TMEM41A: variants seen among roughly 807,000 people sequenced by gnomAD.
The protein encoded by TMEM41A is transmembrane protein 41A.
Under a neutral mutation model 25.7 loss-of-function variants are expected in TMEM41A, and 20 were observed. The observed-to-expected ratio is 0.78, with a 90% CI of 0.55 to 1.13. The LOEUF (loss-of-function observed/expected upper bound fraction) is 1.13, where lower values mean the gene tolerates loss of function less well. TMEM41A is among the 50% of genes most tolerant of loss of function. TMEM41A has a pLI of 0.00. For synonymous variants in TMEM41A, 133 were observed against 139.6 expected (o/e 0.95, Z 0.33); for missense variants, 299 against 314.3 (o/e 0.95, Z 0.37).
chr3:185,498,820 G>C, intron 1 of TMEM41A, 23 bp downstream of exon 1: 2 of 1,556,118 alleles, frequency 1.3e-6, no homozygotes, highest in Non-Finnish European at 1.7e-6. Flanking sequence ...CCTCTGACCC[G>C]AACCCGGATT....
In TMEM41A at chr3:185,495,312, C is replaced by T. The variant is rs1426445204; in HGVS notation, c.277G>A (p.Val93Ile). ...GGCCCAAACAAGGCACCAGCTAAAA[C>T]ATTCTGCAAATAAAACAAACCCTCA... Reference protein sequence around the residue: ...FAIPGSSFLNVLAGALFGPWL... With the variant: ...FAIPGSSFLNILAGALFGPWL... Residue 93 changes from valine to isoleucine, a missense_variant, in exon 3 of 5, where the codon GTT (valine) becomes ATT (isoleucine). Physicochemically the swap from Val to Ile is conservative, Grantham distance 29 (BLOSUM62 3). Coordinates refer to ENST00000421852, the MANE Select transcript of TMEM41A (RefSeq NM_080652.4). The T allele has an allele frequency of 1.9e-6, 3 of 1,613,396 alleles. No homozygotes were observed. Among genetic ancestry groups the T allele is most frequent in the Admixed American group, 3.3e-5 (2 of 59,986 alleles).
Position 185,496,967 on chromosome 3 carries a change from G to T in TMEM41A, c.134C>A (p.Pro45His). 6.3e-7 allele frequency: 1 copy of T among 1,596,408 alleles called. No individual in the cohort carries two copies. The highest frequency in any genetic ancestry group is 1.8e-4 in the Middle Eastern group (1 of 5,500). Residue 45 changes from proline (P) to histidine (H), a missense_variant, in exon 2 of 5, where the codon CCC becomes CAC. Coordinates refer to ENST00000421852, the MANE Select transcript of TMEM41A (RefSeq NM_080652.4). ...CTCCCGCAGCTCTGCCAGGTCGGAG[G>T]GGAACCACAGCGACCTGGGGATTTG... ...EEAGGRSLWF[P>H]SDLAELRELS...
In TMEM41A at chr3:185,495,525, C is replaced by T. The variant is rs925482612; in HGVS notation, c.274-210G>A. 1.9e-5 allele frequency: 11 copies of T among 582,222 alleles called. 1 individual carries two copies. Among genetic ancestry groups the T allele is most frequent in the South Asian group, 1.5e-4 (7 of 45,952 alleles). 36.1% of individuals were successfully genotyped at this position (582,222 alleles called of 1,614,324 possible). ...ACATGATCATAGCTCACTGCATCCTCGAACTCCTGGACTCAAGCGATCCTC... is the reference window on the plus strand; with the variant it reads ...ACATGATCATAGCTCACTGCATCCTTGAACTCCTGGACTCAAGCGATCCTC... On this transcript the variant is annotated intron_variant, in intron 2 of 4. Transcript: ENST00000421852.
At chr3:185,496,540 G>C in intron 2 of TMEM41A, 1 of 444,226 alleles carries the variant, frequency 2.3e-6, no homozygotes, top group Non-Finnish European at 4.2e-6. Context: ...GGACATGTTT[G>C]CTTTTCTTCT....
intron 2 of TMEM41A, chr3:185,495,670 G>C (rs1251622500): frequency 4.5e-6 from 1 of 219,970 alleles, no homozygotes; most frequent in Non-Finnish European, 9.2e-6. Context: ...TCAAACTCCC[G>C]GACTCAAGTG....
Position 185,491,363 on chromosome 3 carries a change from A to G in TMEM41A, c.*174T>C. 5.2e-6 allele frequency: 3 copies of G among 580,672 alleles called. No homozygotes were observed. Among genetic ancestry groups the G allele is most frequent in the Non-Finnish European group, 9.1e-6 (3 of 327,980 alleles). The allele number at this position is 580,672 out of a possible 1,614,324, so 36.0% of individuals were successfully genotyped here. A position where few individuals can be genotyped will look rare whatever the true frequency, so the allele number is the denominator to read the frequency against. On this transcript the variant is annotated 3_prime_UTR_variant, in exon 5 of 5. Transcript: ENST00000421852. ...ACACCAGGGCTGGTTTGAAAACCTGATGTAATACACCTTCAAGAGCAGAGT... is the reference window on the plus strand; with the variant it reads ...ACACCAGGGCTGGTTTGAAAACCTGGTGTAATACACCTTCAAGAGCAGAGT...
chr3:185,496,482 G>A (rs1719103783), intron 2 of TMEM41A: 1 of 352,970 alleles, frequency 2.8e-6, no homozygotes, highest in African/African-American at 2.2e-5. Flanking sequence ...GCAGCCTCAA[G>A]GAGTCAGCCC....
intron 2 of TMEM41A, 74 bp downstream of exon 2, chr3:185,496,754 C>A: frequency 6.5e-7 from 1 of 1,530,240 alleles, no homozygotes; most frequent in Non-Finnish European, 8.8e-7. Flanking sequence ...ACACAACAAT[C>A]CCATGAGGTT....
chr3:185,495,043 G>C (rs1390927818), intron 3 of TMEM41A, 111 bp downstream of exon 3: 1 of 1,355,242 alleles, frequency 7.4e-7, no homozygotes, highest in Non-Finnish European at 1.0e-6. Flanking sequence ...AGGACCTCCT[G>C]AAACAGCGTG....
chr3:185,491,544 T>C lies in TMEM41A; in HGVS notation c.788A>G (p.Asp263Gly), dbSNP rs1157289137. Residue 263 changes from aspartate to glycine, a missense_variant, in exon 5 of 5, where the codon GAC (aspartate) becomes GGC (glycine). Asp to Gly is a moderately conservative substitution (Grantham distance 94). Transcript: ENST00000421852. ...GCAAACAGAAAATCCAGATCATGTG[T>C]CTTTTCTACTGTGTATATGATTAGC... ...STANHIHSRK[D>G]T 1 of 1,612,954 alleles carries C rather than the reference T, an allele frequency of 6.2e-7. No individual in the cohort carries two copies. Among genetic ancestry groups the C allele is most frequent in the Admixed American group, 1.7e-5 (1 of 60,022 alleles).
intron 1 of TMEM41A, among the ~76,000 whole-genome samples, chr3:185,497,897 A>G (rs1402004722): frequency 6.6e-6 from 1 of 152,220 alleles, no homozygotes. Context: ...AAGAGTATGC[A>G]GCACTCACAA....
rs1577647893 is a variant in TMEM41A, at chr3:185,491,278, G to C, written c.*259C>G. On this transcript the variant is annotated 3_prime_UTR_variant, in exon 5 of 5. Coordinates refer to ENST00000421852, the MANE Select transcript of TMEM41A (RefSeq NM_080652.4). ...CCCAAAGTGCTGGGATTACAGGCGT[G>C]AGCCACCGCGCCCGGCCACAAACAG... is the stretch of plus-strand genomic sequence containing the variant. 1 of 332,240 alleles carries C rather than the reference G, an allele frequency of 3.0e-6. No homozygotes were observed. The highest frequency in any genetic ancestry group is 6.8e-5 in the East Asian group (1 of 14,714). 20.6% of individuals were successfully genotyped at this position (332,240 alleles called of 1,614,324 possible).
chr3:185,498,648 C>T (rs1719182613), intron 1 of TMEM41A, 195 bp downstream of exon 1: 1 of 550,984 alleles, frequency 1.8e-6, no homozygotes, highest in Non-Finnish European at 3.2e-6. Flanking sequence ...CGGAGCCGGG[C>T]TCCCATCCAC....
At chr3:185,497,981 G>A (rs1377133525) in intron 1 of TMEM41A, among the ~76,000 whole-genome samples, 1 of 152,172 alleles carries the variant, frequency 6.6e-6, no homozygotes, top group Non-Finnish European at 1.5e-5. Context: ...AGGAGGCCAG[G>A]CGCGATGGCT....
Position 185,496,846 on chromosome 3 carries a change from G to A in TMEM41A, c.255C>T (p.Ile85=). ...GAYLYKQGFA[I]PGSSFLNVLA... Reference sequence around the variant, plus strand: ...CACTGACCAGGAAGCTGGAGCCGGGGATGGCAAAGCCCTGTTTGTAGAGGT... The same window carrying A: ...CACTGACCAGGAAGCTGGAGCCGGGAATGGCAAAGCCCTGTTTGTAGAGGT... Residue 85 remains isoleucine, a synonymous_variant, in exon 2 of 5, where the codon ATC becomes ATT. Coordinates refer to ENST00000421852, the MANE Select transcript of TMEM41A (RefSeq NM_080652.4). The A allele has an allele frequency of 6.2e-7, 1 of 1,607,758 alleles. No homozygotes were observed. Among genetic ancestry groups the A allele is most frequent in the Non-Finnish European group, 8.5e-7 (1 of 1,178,094 alleles).
In TMEM41A at chr3:185,495,140, A is replaced by T; in HGVS notation, c.435+14T>A. ...TCTGGGGTCCCAGCTCTCAGATGTG[A>T]CCCCTCCCCTTACCTTTCTCTGCAG... On this transcript the variant is annotated intron_variant, in intron 3 of 4. Coordinates refer to ENST00000421852, the MANE Select transcript of TMEM41A (RefSeq NM_080652.4). 1 of 1,612,234 alleles carries T rather than the reference A, an allele frequency of 6.2e-7. No individual in the cohort carries two copies. Among genetic ancestry groups the T allele is most frequent in the Non-Finnish European group, 8.5e-7 (1 of 1,179,754 alleles).
rs1048710842 is a variant in TMEM41A at position 185,490,427 on chromosome 3, G to A, written c.*1110C>T. On this transcript the variant is annotated 3_prime_UTR_variant, in exon 5 of 5. Coordinates refer to ENST00000421852, the MANE Select transcript of TMEM41A (RefSeq NM_080652.4). The stretch of plus-strand genomic sequence containing the variant: ...AAAGGACAGATAAAATGTTTGCCTG[G>A]TCATGATTCAGGTGAGTCAAGGGCC... The A allele has an allele frequency of 6.6e-6, 1 of 152,168 alleles. No homozygotes were observed. The highest frequency in any genetic ancestry group is 2.4e-5 in the African/African-American group (1 of 41,424). The allele number at this position is 152,168 out of a possible 1,614,324, so 9.4% of individuals were successfully genotyped here.
chr3:185,494,888 AG>A (rs1453163717), intron 3 of TMEM41A, 127 bp from the exon 4 acceptor site: 1 of 1,212,594 alleles, frequency 8.2e-7, no homozygotes, highest in African/African-American at 1.5e-5. Context: ...ACAACCCTCC[AG>A]GGAAAGACTG....
Position 185,491,751 on chromosome 3 carries a change from A to G in TMEM41A, c.581T>C (p.Ile194Thr), listed in dbSNP as rs753277732. Residue 194 changes from isoleucine to threonine, a missense_variant, in exon 5 of 5, where the codon ATC becomes ACC. Physicochemically the swap from Ile to Thr is moderately conservative, Grantham distance 89 (BLOSUM62 -1). Transcript: ENST00000421852. ...QFFFSVLIGL[I>T]PYNFICVQTG... ...CTGCACACAGATGAAATTATATGGG[A>G]TCAAACCTGGAAGAAGAAAAGGACA... 92 of 1,603,720 alleles carry G rather than the reference A, an allele frequency of 5.7e-5. No homozygotes were observed. Among genetic ancestry groups the G allele is most frequent in the Non-Finnish European group, 7.7e-5 (90 of 1,174,670 alleles).
Sources: gnomAD v4.1 joint callset for allele counts (sites outside exome capture counted in the v4.1 genomes callset) on GRCh38, gnomAD v4.1.1 for gene constraint, MANE v1.5 for transcripts, NCBI Gene and HGNC (gene_info 2026-07-23, HGNC 2026-07-21) for gene names.